WDR7: variants seen among roughly 807,000 people sequenced by gnomAD.
The protein encoded by WDR7 is WD repeat-containing protein 7.
A neutral mutation model predicts 169.4 loss-of-function variants in WDR7; 46 were observed. The observed-to-expected ratio is 0.27, with a 90% CI of 0.21 to 0.35. The LOEUF is 0.35. Ranked by LOEUF, WDR7 falls within the 10% of genes least tolerant of loss-of-function variation. The probability of loss-of-function intolerance (pLI) is 1.00; values close to 1 mark genes in which losing one functional copy is unlikely to be tolerated. For missense variants in WDR7, 1,534 were observed against 1,859.3 expected, an observed-to-expected ratio of 0.83 and a Z score of 3.22; for synonymous variants, 612 against 666.8, an observed-to-expected ratio of 0.92 and a Z score of 1.27.
intron 20 of WDR7, among the ~76,000 whole-genome samples, chr18:56,839,128 A>G (rs575431797): frequency 2.9e-4 from 44 of 152,136 alleles, no homozygotes; most frequent in Non-Finnish European, 5.7e-4. Flanking sequence ...CTCATAATTC[A>G]TATATTTTTA....
intron 19 of WDR7, among the ~76,000 whole-genome samples, chr18:56,811,042 C>T (rs2044860063): frequency 6.6e-6 from 1 of 152,158 alleles, no homozygotes; most frequent in Admixed American, 6.6e-5. Flanking sequence ...AATCATAAGG[C>T]ATGTAATGTT....
chr18:56,795,355 T>TCAC (rs2044565267), intron 19 of WDR7, among the ~76,000 whole-genome samples: 2 of 152,078 alleles, frequency 1.3e-5, no homozygotes, highest in Non-Finnish European at 2.9e-5. Context: ...TGTTTTAAGA[T>TCAC]CGCAAAAAGT....
At chr18:56,831,254 A>G (rs8095415) in intron 20 of WDR7, among the ~76,000 whole-genome samples, 26,223 of 152,032 alleles carry the variant, frequency 0.17, 2,500 homozygotes, top group African/African-American at 0.26. Flanking sequence ...TTCCCTGTGA[A>G]TGTGTATAGA....
intron 21 of WDR7, among the ~76,000 whole-genome samples, chr18:56,913,390 T>A (rs920758721): frequency 6.6e-6 from 1 of 152,162 alleles, no homozygotes; most frequent in African/African-American, 2.4e-5. Flanking sequence ...TTCACCTAAT[T>A]GTTTATGCCC....
chr18:56,879,847 A>G (rs553088469), intron 20 of WDR7, 97 bp from the exon 21 acceptor site: 52 of 961,140 alleles, frequency 5.4e-5, no homozygotes, highest in Non-Finnish European at 7.7e-5. Flanking sequence ...TGAAAATGCT[A>G]TTCTTTCCGA....
At chr18:56,868,905 G>A (rs555458027) in intron 20 of WDR7, among the ~76,000 whole-genome samples, 3 of 152,032 alleles carry the variant, frequency 2.0e-5, no homozygotes, top group South Asian at 4.2e-4. Context: ...TAGATACTTG[G>A]GATTACTAAA....
In WDR7 at chr18:56,924,096, A is replaced by G; in HGVS notation, c.3701A>G (p.Lys1234Arg). Residue 1234 changes from lysine to arginine, a missense_variant, in exon 22 of 28, where the codon AAA (lysine) becomes AGA (arginine). Coordinates refer to ENST00000254442, the MANE Select transcript of WDR7 (RefSeq NM_015285.3). ...GLLELCADAE[K>R]QLANITMGLP... The stretch of plus-strand genomic sequence containing the variant: ...CTCGAACTTTGTGCCGATGCCGAGA[A>G]ACAACTTGCCAAGTATGTGTGGATT... 6.2e-7 allele frequency: 1 copy of G among 1,612,248 alleles called. No homozygotes were observed. The highest frequency in any genetic ancestry group is 1.3e-5 in the African/African-American group (1 of 74,956).
intron 20 of WDR7, among the ~76,000 whole-genome samples, chr18:56,825,142 G>T (rs181236091): frequency 1.9e-4 from 29 of 152,250 alleles, no homozygotes; most frequent in African/African-American, 6.5e-4. Flanking sequence ...GTGCCTCCTC[G>T]TTTCTAGGAT....
intron 16 of WDR7, among the ~76,000 whole-genome samples, chr18:56,760,181 C>T (rs900707895): frequency 6.6e-6 from 1 of 152,120 alleles, no homozygotes; most frequent in African/African-American, 2.4e-5. Flanking sequence ...ATGCACAAAA[C>T]AGAAACGTAC....
At chr18:56,815,794 T>C (rs1298945577) in intron 19 of WDR7, among the ~76,000 whole-genome samples, 1 of 152,214 alleles carries the variant, frequency 6.6e-6, no homozygotes, top group Non-Finnish European at 1.5e-5. Flanking sequence ...TTTCTGTTTT[T>C]CCCAGATCTT....
chr18:56,805,491 T>C (rs1355002934), intron 19 of WDR7, among the ~76,000 whole-genome samples: 1 of 152,194 alleles, frequency 6.6e-6, no homozygotes, highest in Non-Finnish European at 1.5e-5. Context: ...TTTCGAGATT[T>C]CAACATTTAG....
rs1568268905 is a variant in WDR7, at chr18:56,923,929, A to T, written c.3534A>T (p.Ala1178=). ...TTTATTCTATAATTTCAGGCAAGGC[A>T]CTGACGTTTCTTCTGCTACAGCCTC... ...NYSLARHTCK[A]LTFLLLQPPS... Residue 1178 remains alanine (A), a synonymous_variant, in exon 22 of 28, where the codon GCA becomes GCT. Transcript: ENST00000254442. 6.4e-7 allele frequency: 1 copy of T among 1,555,498 alleles called. No individual in the cohort carries two copies. The highest frequency in any genetic ancestry group is 8.7e-7 in the Non-Finnish European group (1 of 1,156,038).
At chr18:56,796,607 A>T (rs1287425036) in intron 19 of WDR7, among the ~76,000 whole-genome samples, 1 of 152,212 alleles carries the variant, frequency 6.6e-6, no homozygotes, top group Non-Finnish European at 1.5e-5. Flanking sequence ...GTTGCTAAAA[A>T]TGAGGTGTCA....
chr18:56,733,353 T>C (rs1406934239), intron 14 of WDR7, among the ~76,000 whole-genome samples: 1 of 152,186 alleles, frequency 6.6e-6, no homozygotes, highest in Non-Finnish European at 1.5e-5. Context: ...AGGTTCCTTC[T>C]GAAGAGAATA....
chr18:56,766,431 G>A (rs1313087430), intron 16 of WDR7, among the ~76,000 whole-genome samples: 2 of 151,812 alleles, frequency 1.3e-5, no homozygotes, highest in Admixed American at 1.3e-4. Flanking sequence ...TTTTATTTCG[G>A]GATTATTTTT....
At chr18:56,883,562 A>G (rs1329525754) in intron 21 of WDR7, among the ~76,000 whole-genome samples, 1 of 150,816 alleles carries the variant, frequency 6.6e-6, no homozygotes, top group Non-Finnish European at 1.5e-5. Flanking sequence ...GTTTGGTTAC[A>G]TGAATAAGTC....
intron 12 of WDR7, among the ~76,000 whole-genome samples, chr18:56,701,023 A>G (rs554414092): frequency 6.6e-6 from 1 of 152,354 alleles, no homozygotes; most frequent in African/African-American, 2.4e-5. Context: ...TTAAGATATA[A>G]AATTTTGAAA....
chr18:56,950,278 G>A (rs2047163447), intron 25 of WDR7, among the ~76,000 whole-genome samples: 1 of 152,188 alleles, frequency 6.6e-6, no homozygotes, highest in African/African-American at 2.4e-5. Context: ...ATATTCTGAA[G>A]TGAAACTGTT....
chr18:56,999,455 A>T (rs994905206), intron 26 of WDR7, among the ~76,000 whole-genome samples: 3 of 152,088 alleles, frequency 2.0e-5, no homozygotes, highest in African/African-American at 7.2e-5. Flanking sequence ...AATCCATAGA[A>T]CTCTTTTAAA....
Sources: allele counts gnomAD v4.1 joint callset (sites outside exome capture counted in the v4.1 genomes callset), GRCh38; gene constraint gnomAD v4.1.1; transcripts MANE v1.5; gene names NCBI Gene and HGNC (gene_info 2026-07-23, HGNC 2026-07-21).